Variants in VWCE observed in about 807,000 individuals in gnomAD.
The protein encoded by VWCE is von Willebrand factor C and EGF domain-containing protein.
In VWCE, 68 loss-of-function variants were observed where a neutral mutation model predicts 102.9. That is an observed-to-expected ratio of 0.66 (90% CI 0.54 to 0.81). VWCE has a LOEUF of 0.81. VWCE is among the 30% of genes least tolerant of loss of function. The pLI is 0.00. For missense variants in VWCE, 1,137 were observed against 1,263.6 expected (o/e 0.90, Z 1.52); for synonymous variants, 497 against 515.4 (o/e 0.96, Z 0.48).
chr11:61,267,565 T>A (rs1370693447), intron 15 of VWCE, 21 bp from the exon 16 acceptor site: 1 of 1,612,938 alleles, frequency 6.2e-7, no homozygotes, highest in African/African-American at 1.3e-5. Flanking sequence ...GAGCATGCGC[T>A]GAGCACCAGC....
Position 61,273,241 on chromosome 11 carries a change from C to A in VWCE, c.1657G>T (p.Gly553Trp), listed in dbSNP as rs960337761. The A allele has an allele frequency of 6.2e-7, 1 of 1,613,192 alleles. No homozygotes were observed. Among genetic ancestry groups the A allele is most frequent in the South Asian group, 1.1e-5 (1 of 90,990 alleles). The change falls in exon 13 of 20, where the codon GGG (glycine) becomes TGG (tryptophan). Residue 553 changes from glycine to tryptophan, a missense_variant. Gly to Trp is a radical substitution (Grantham distance 184, BLOSUM62 -2). This residue lies in a region of VWCE where 212 missense variants were observed against 235.1 expected (regional missense o/e 0.90). Coordinates refer to ENST00000335613, the MANE Select transcript of VWCE (RefSeq NM_152718.2). Reference sequence around the variant, plus strand: ...TCCTGGCAGGTGAAGCAACACTGCCCAGGGCCCAGCCGCCACTCTTCTCGG... The same window carrying A: ...TCCTGGCAGGTGAAGCAACACTGCCAAGGGCCCAGCCGCCACTCTTCTCGG... ...CPREEWRLGP[G>W]QCCFTCQEPT... is the part of the protein sequence containing the mutation.
At chr11:61,283,379 CT>C (rs1447653407) in intron 5 of VWCE, among the ~76,000 whole-genome samples, 13 of 152,272 alleles carry the variant, frequency 8.5e-5, no homozygotes, top group Admixed American at 2.6e-4. Flanking sequence ...TTCCTTGCCC[CT>C]GACCTTCACT....
At chr11:61,260,504 C>A (rs1176056463) in intron 19 of VWCE, among the ~76,000 whole-genome samples, 1 of 152,026 alleles carries the variant, frequency 6.6e-6, no homozygotes, top group Non-Finnish European at 1.5e-5. Flanking sequence ...TACTTTGTTA[C>A]CCAGGCTGGT....
Position 61,279,099 on chromosome 11 carries a change from G to A in VWCE, c.1325-623C>T, listed in dbSNP as rs536873505. ...TGGCCATCCAGCTTCGTTAACCAGCGTGTCCCTGGACATGTCACTTCACCT... is the reference window on the plus strand; with the variant it reads ...TGGCCATCCAGCTTCGTTAACCAGCATGTCCCTGGACATGTCACTTCACCT... On this transcript the variant is annotated intron_variant, in intron 9 of 19. Coordinates refer to ENST00000335613, the MANE Select transcript of VWCE (RefSeq NM_152718.2). 3.3e-5 allele frequency among the ~76,000 whole-genome samples: 5 copies of A among 151,718 alleles called. No individual in the cohort carries two copies. The East Asian group carries it at 5.8e-4, about 18-fold the overall frequency.
intron 13 of VWCE, 94 bp downstream of exon 13, chr11:61,273,105 C>T: frequency 1.6e-6 from 2 of 1,266,178 alleles, no homozygotes; most frequent in East Asian, 2.3e-5. Context: ...CACACACAAA[C>T]AGCACACACA....
At chr11:61,276,446 G>T in intron 11 of VWCE, 147 bp downstream of exon 11, 3 of 526,160 alleles carry the variant, frequency 5.7e-6, no homozygotes, top group Non-Finnish European at 9.1e-6. Flanking sequence ...AACTGGGCTT[G>T]GGGGCTCATG....
chr11:61,295,293 T>A lies in VWCE; in HGVS notation c.-256A>T. The A allele has an allele frequency of 3.0e-6, 1 of 330,038 alleles. No homozygotes were observed. The highest frequency in any genetic ancestry group is 5.5e-6 in the Non-Finnish European group (1 of 182,268). The allele number at this position is 330,038 out of a possible 1,614,324, so 20.4% of individuals were successfully genotyped here. A position where few individuals can be genotyped will look rare whatever the true frequency, so the allele number is the denominator to read the frequency against. On this transcript the variant is annotated 5_prime_UTR_variant, in exon 1 of 20. Coordinates refer to ENST00000335613, the MANE Select transcript of VWCE (RefSeq NM_152718.2). The surrounding 1 kb of genome is among the most constrained non-coding windows in gnomAD (Gnocchi z 4.6). ...ACACACAAAGGCAACGCCGCCCGCC[T>A]GCTGATGCCTCTCCGAGAGGCGCGG...
chr11:61,259,422 C>T, intron 19 of VWCE, 110 bp from the exon 20 acceptor site: 1 of 1,379,852 alleles, frequency 7.2e-7, no homozygotes, highest in Non-Finnish European at 9.6e-7. Context: ...AGAGGGGCCT[C>T]AGCACACCTG....
At chr11:61,276,218 G>T (rs916659142) in intron 11 of VWCE, among the ~76,000 whole-genome samples, 2 of 150,782 alleles carry the variant, frequency 1.3e-5, no homozygotes, top group South Asian at 2.1e-4. Flanking sequence ...GACCAGCCAG[G>T]CCAACATGGT....
At chr11:61,270,616 C>A (rs1237774670) in intron 14 of VWCE, among the ~76,000 whole-genome samples, 2 of 152,112 alleles carry the variant, frequency 1.3e-5, no homozygotes, top group African/African-American at 4.8e-5. Context: ...AACTCATGCA[C>A]CTCCTTACTC....
intron 9 of VWCE, 65 bp downstream of exon 9, chr11:61,280,559 G>T: frequency 6.6e-7 from 1 of 1,520,516 alleles, no homozygotes; most frequent in South Asian, 1.2e-5. Flanking sequence ...ACAGCCTTTT[G>T]GCTGCAGGAG....
rs1171918245 is a variant in VWCE at position 61,266,475 on chromosome 11, G to A, written c.1965+987C>T. 7.2e-5 allele frequency among the ~76,000 whole-genome samples: 11 copies of A among 151,984 alleles called. 1 individual carries two copies. The highest frequency in any genetic ancestry group is 7.2e-4 in the Admixed American group (11 of 15,242). ...ACATAGGAGGATCGCTTGAGCCCAG[G>A]AGGTCAAGGTTGCAGTGAGCCAAGA... On this transcript the variant is annotated intron_variant, in intron 16 of 19. Transcript: ENST00000335613.
chr11:61,274,521 T>C lies in VWCE; in HGVS notation c.1559A>G (p.Glu520Gly), dbSNP rs1365579301. The C allele has an allele frequency of 2.7e-5, 43 of 1,613,072 alleles. No homozygotes were observed. Among genetic ancestry groups the C allele is most frequent in the Non-Finnish European group, 3.6e-5 (42 of 1,179,754 alleles). The change falls in exon 12 of 20, where the codon GAG (glutamate) becomes GGG (glycine). Residue 520 changes from glutamate to glycine, a missense_variant. This residue lies in a region of VWCE where 212 missense variants were observed against 235.1 expected (regional missense o/e 0.90). Transcript: ENST00000335613. ...DGAVFSGGGDECTTCVCQNGE... is the reference protein window; with the variant it reads ...DGAVFSGGGDGCTTCVCQNGE... ...TACCTGGCAAACACAGGTGGTACAC[T>C]CGTCACCACCCCCACTGAACACAGC...
At position 61,265,184 on chromosome 11, in the gene VWCE, T is replaced by C. The variant is rs1723281768; in HGVS notation, c.1994A>G (p.Asp665Gly). ...LLGSVACSPV[D>G]CPITCTYPFH... ...AGGGTAGGTACAGGTGATGGGGCAG[T>C]CCACGGGGGAACAGGCCACTGAGCC... Residue 665 changes from aspartate to glycine, a missense_variant, in exon 17 of 20, where the codon GAC becomes GGC. Around this residue, in one of 5 missense-constraint regions of VWCE, gnomAD observed 29 missense variants for 62.9 expected, o/e 0.46. Coordinates refer to ENST00000335613, the MANE Select transcript of VWCE (RefSeq NM_152718.2). The C allele has an allele frequency of 6.6e-7, 1 of 1,512,138 alleles. No homozygotes were observed. The highest frequency in any genetic ancestry group is 2.2e-5 in the Admixed American group (1 of 45,444). The allele number at this position is 1,512,138 out of a possible 1,614,324, so 93.7% of individuals were successfully genotyped here.
At chr11:61,282,966 G>T in intron 5 of VWCE, 61 bp from the exon 6 acceptor site, 1 of 1,421,668 alleles carries the variant, frequency 7.0e-7, no homozygotes. Flanking sequence ...GAAATATATG[G>T]TCCCCTCTTC....
Position 61,294,896 on chromosome 11 carries a change from C to G in VWCE, c.110+32G>C. On this transcript the variant is annotated intron_variant, in intron 1 of 19. Transcript: ENST00000335613. This position sits in a 1 kb window ranked among gnomAD's most constrained non-coding sequence, Gnocchi z 6.3. The stretch of plus-strand genomic sequence containing the variant: ...TGCACGCCGGTAGCGCTCTCCCGGG[C>G]GGGGGAGCGGGGAGGAGCTCCGGGC... 7.4e-7 allele frequency: 1 copy of G among 1,346,756 alleles called. No homozygotes were observed. The highest frequency in any genetic ancestry group is 9.6e-7 in the Non-Finnish European group (1 of 1,038,774). 83.4% of individuals were successfully genotyped at this position (1,346,756 alleles called of 1,614,324 possible).
At position 61,281,139 on chromosome 11, in the gene VWCE, G is replaced by A; in HGVS notation, c.884C>T (p.Ala295Val). Residue 295 changes from alanine to valine, a missense_variant, in exon 8 of 20, where the codon GCC becomes GTC. By Grantham distance (64) the Ala-to-Val change is moderately conservative. Around this residue, in one of 5 missense-constraint regions of VWCE, gnomAD observed 575 missense variants for 625.9 expected, o/e 0.92. Coordinates refer to ENST00000335613, the MANE Select transcript of VWCE (RefSeq NM_152718.2). ...AGGAGGGCTATGTCCTGGGGACAGGGCAGGCCGGCCGGCCTCAGGAAGCAA... is the reference window on the plus strand; with the variant it reads ...AGGAGGGCTATGTCCTGGGGACAGGACAGGCCGGCCGGCCTCAGGAAGCAA... ...LLLLPEAGRP[A>V]LSPGHSPPSG... is the part of the protein sequence containing the mutation. 6.2e-7 allele frequency: 1 copy of A among 1,613,736 alleles called. No individual in the cohort carries two copies. The highest frequency in any genetic ancestry group is 1.1e-5 in the South Asian group (1 of 91,064).
intron 4 of VWCE, 25 bp downstream of exon 4, chr11:61,290,773 TC>T: frequency 2.8e-6 from 2 of 719,606 alleles, no homozygotes; most frequent in South Asian, 1.6e-5. Flanking sequence ...CCCCTCCCCC[TC>T]CCCCACCACT....
intron 4 of VWCE, among the ~76,000 whole-genome samples, chr11:61,288,997 C>A (rs916329035): frequency 2.6e-5 from 4 of 151,844 alleles, no homozygotes; most frequent in Non-Finnish European, 5.9e-5. Flanking sequence ...CGCCACCACA[C>A]CCACCTAATT....
Sources: gnomAD v4.1 joint callset for allele counts (sites outside exome capture counted in the v4.1 genomes callset) on GRCh38, gnomAD v4.1.1 for gene constraint, gnomAD v4.1.1 regional missense constraint, Gnocchi (gnomAD v3.1) non-coding constraint, MANE v1.5 for transcripts, NCBI Gene and HGNC (gene_info 2026-07-23, HGNC 2026-07-21) for gene names.